MSL3: variants seen among roughly 807,000 people sequenced by gnomAD.
The protein encoded by MSL3 is MSL complex subunit 3.
Under a neutral mutation model 37.2 loss-of-function variants are expected in MSL3, and 5 were observed. The ratio of observed to expected loss-of-function variants is 0.13; its 90% CI spans 0.07 to 0.28. The LOEUF (loss-of-function observed/expected upper bound fraction) is 0.28, where lower values mean the gene tolerates loss of function less well. Ranked by LOEUF, MSL3 falls within the 10% of genes least tolerant of loss-of-function variation. MSL3 has a pLI of 1.00. For synonymous variants in MSL3, 149 were observed against 147.6 expected (o/e 1.01, Z -0.07); for missense variants, 315 against 408.5 (o/e 0.77, Z 1.97).
At position 11,758,376 on chromosome X, in the gene MSL3, G is replaced by A. The variant is rs765535849; in HGVS notation, c.102+11G>A. ...CTGTACGATGCCAAGGTGCCGCCGC[G>A]GAGGGACAGGGAGGAGGCGCGGGCT... On this transcript the variant is annotated intron_variant, in intron 1 of 12. Coordinates refer to ENST00000312196, the MANE Select transcript of MSL3 (RefSeq NM_078629.4). 7 of 1,077,279 alleles carry A rather than the reference G, an allele frequency of 6.5e-6. No individual in the cohort carries two copies. The South Asian group carries it at 1.7e-4, about 27-fold the overall frequency. The allele number at this position is 1,077,279 out of a possible 1,213,427, so 88.8% of individuals were successfully genotyped here. A position where few individuals can be genotyped will look rare whatever the true frequency, so the allele number is the denominator to read the frequency against.
chrX:11,759,301 C>G (rs1388988609), intron 1 of MSL3, among the ~76,000 whole-genome samples: 1 of 111,900 alleles, frequency 8.9e-6, no homozygotes. Context: ...GTCTTTTAAC[C>G]GCGTCTGCTA....
At position 11,775,091 on chromosome X, in the gene MSL3, T is replaced by C. The variant is rs1301129869; in HGVS notation, c.*12T>C. ...GGGCAATTTATTAAAATGTTGTTGG[T>C]TCTGTAAGAGCAACTGCTCTGTCTA... is the stretch of plus-strand genomic sequence containing the variant. On this transcript the variant is annotated 3_prime_UTR_variant, in exon 13 of 13. Transcript: ENST00000312196. 8.7e-7 allele frequency: 1 copy of C among 1,151,604 alleles called. No homozygotes were observed. The highest frequency in any genetic ancestry group is 1.8e-5 in the South Asian group (1 of 54,796). The allele number at this position is 1,151,604 out of a possible 1,213,427, so 94.9% of individuals were successfully genotyped here.
intron 1 of MSL3, 50 bp downstream of exon 1, chrX:11,758,415 C>CCGGGGGCGGGGG: frequency 1.0e-6 from 1 of 984,758 alleles, no homozygotes; most frequent in Non-Finnish European, 1.3e-6. Flanking sequence ...GGACCCGGGA[C>CCGGGGGCGGGGG]CGGGGGCGGG....
In MSL3 at chrX:11,758,813, C is replaced by A. The variant is rs905175499; in HGVS notation, c.102+448C>A. 29 of 1,136,369 alleles carry A rather than the reference C, an allele frequency of 2.6e-5. No individual in the cohort carries two copies. The Middle Eastern group carries it at 9.4e-4, about 37-fold the overall frequency. 93.6% of individuals were successfully genotyped at this position (1,136,369 alleles called of 1,213,427 possible). ...TTACACGGCGCTGGCCGCTGACTTG[C>A]GACGTTGTGTCCCTGGGACCCTAGT... On this transcript the variant is annotated intron_variant, in intron 1 of 12. Coordinates refer to ENST00000312196, the MANE Select transcript of MSL3 (RefSeq NM_078629.4).
intron 9 of MSL3, 50 bp downstream of exon 9, chrX:11,765,779 T>G: frequency 8.4e-7 from 1 of 1,195,326 alleles, no homozygotes; most frequent in South Asian, 1.9e-5. Flanking sequence ...GCGTGTACTT[T>G]GTGTTTAGTC....
upstream of MSL3, chrX:11,758,230 G>A: frequency 2.1e-6 from 1 of 483,678 alleles, no homozygotes; most frequent in Non-Finnish European, 2.8e-6. Flanking sequence ...CGCTCCGCCC[G>A]CCCCGGAGCC....
intron 4 of MSL3, 58 bp downstream of exon 4, chrX:11,760,995 A>G (rs2053127295): frequency 2.3e-6 from 2 of 856,306 alleles, no homozygotes; most frequent in East Asian, 6.8e-5. Flanking sequence ...GACTGAGAGA[A>G]GGATTCACTG....
intron 1 of MSL3, 182 bp downstream of exon 1, chrX:11,758,547 G>A: frequency 1.8e-6 from 2 of 1,095,014 alleles, no homozygotes; most frequent in Non-Finnish European, 2.4e-6. Context: ...GCGGGGTCTG[G>A]GATGCTTCCA....
At chrX:11,766,831 AT>A in intron 9 of MSL3, 1 of 754,505 alleles carries the variant, frequency 1.3e-6, no homozygotes, top group Non-Finnish European at 1.6e-6. Context: ...AGGCTGTGAA[AT>A]CTAAGACACC....
In MSL3 at chrX:11,765,676, G is replaced by A. The variant is rs1277317193; in HGVS notation, c.1118G>A (p.Arg373Gln). 4.1e-6 allele frequency: 5 copies of A among 1,210,655 alleles called. No homozygotes were observed. The highest frequency in any genetic ancestry group is 3.0e-5 in the East Asian group (1 of 33,800). The change falls in exon 9 of 13, where the codon CGG becomes CAG. Residue 373 changes from arginine to glutamine, a missense_variant. Transcript: ENST00000312196. Reference protein sequence around the residue: ...ESSASPQPKRRQQDTSASMPK... With the variant: ...ESSASPQPKRQQQDTSASMPK... ...AGCGCTTCACCTCAGCCCAAGCGCC[G>A]GCAGCAGGACACATCCGCCAGCATG...
At position 11,768,585 on chromosome X, in the gene MSL3, A is replaced by G; in HGVS notation, c.1184A>G (p.His395Arg). ...TTTTCTTTGGAAGAGACACCTGTGC[A>G]TAGCAGATCATCTTCACCTATTCCT... ...FLHLEKKTPV[H>R]SRSSSPIPLT... Residue 395 changes from histidine (H) to arginine (R), a missense_variant, in exon 10 of 13, where the codon CAT becomes CGT. By Grantham distance (29) the His-to-Arg change is conservative. Transcript: ENST00000312196. The G allele has an allele frequency of 4.2e-6, 5 of 1,196,839 alleles. No individual in the cohort carries two copies. In the South Asian group the frequency reaches 7.1e-5, roughly 17 times the overall value.
chrX:11,773,701 A>G (rs1348246827), intron 12 of MSL3, among the ~76,000 whole-genome samples: 1 of 112,616 alleles, frequency 8.9e-6, no homozygotes. Context: ...CAGTTGCAGG[A>G]TAGCATAGGA....
intron 1 of MSL3, chrX:11,758,588 G>C (rs2053095771): frequency 9.0e-7 from 1 of 1,115,840 alleles, no homozygotes; most frequent in Non-Finnish European, 1.2e-6. Context: ...CGGCGCACGC[G>C]CGGTTGGGAG....
chrX:11,758,241 T>G lies in MSL3; in HGVS notation c.-23T>G. 1 of 783,987 alleles carries G rather than the reference T, an allele frequency of 1.3e-6. No individual in the cohort carries two copies. The highest frequency in any genetic ancestry group is 1.6e-6 in the Non-Finnish European group (1 of 617,658). 64.6% of individuals were successfully genotyped at this position (783,987 alleles called of 1,213,427 possible). A position where few individuals can be genotyped will look rare whatever the true frequency, so the allele number is the denominator to read the frequency against. On this transcript the variant is annotated 5_prime_UTR_variant, in exon 1 of 13. Coordinates refer to ENST00000312196, the MANE Select transcript of MSL3 (RefSeq NM_078629.4). ...CGCGCGCTCCGCCCGCCCCGGAGCC[T>G]CGCCCTCCGCCACGATGAGCAAATG...
In MSL3 at chrX:11,765,390, C is replaced by T; in HGVS notation, c.909-77C>T. 2.7e-6 allele frequency: 3 copies of T among 1,105,007 alleles called. No individual in the cohort carries two copies. In the African/African-American group the frequency reaches 5.5e-5, roughly 20 times the overall value. The allele number at this position is 1,105,007 out of a possible 1,213,427, so 91.1% of individuals were successfully genotyped here. ...TACGACCCTCCTGGAGTAGAGAGAG[C>T]ATTTCGTGTCTTCAGAAGCACTCCA... On this transcript the variant is annotated intron_variant, in intron 8 of 12. Coordinates refer to ENST00000312196, the MANE Select transcript of MSL3 (RefSeq NM_078629.4).
chrX:11,773,979 GC>G (rs1286016329), intron 12 of MSL3, among the ~76,000 whole-genome samples: 1 of 112,264 alleles, frequency 8.9e-6, no homozygotes, highest in African/African-American at 3.2e-5. Context: ...TCACTGGGAA[GC>G]AAGCATAAGG....
At chrX:11,769,739 A>G (rs2053216057) in intron 10 of MSL3, among the ~76,000 whole-genome samples, 1 of 111,816 alleles carries the variant, frequency 8.9e-6, no homozygotes, top group Admixed American at 9.4e-5. Context: ...GAGTAGCTGG[A>G]ACTACAGGCT....
chrX:11,768,375 T>G, intron 9 of MSL3, 198 bp from the exon 10 acceptor site: 1 of 374,059 alleles, frequency 2.7e-6, no homozygotes, highest in Non-Finnish European at 4.6e-6. Context: ...TCATCCACAT[T>G]GTAGCATATG....
rs1199613321 is a variant in MSL3, at chrX:11,759,786, G to T, written c.103-7G>T. The T allele has an allele frequency of 2.5e-6, 3 of 1,210,317 alleles. No individual in the cohort carries two copies. In the South Asian group the frequency reaches 5.3e-5, roughly 21 times the overall value. ...TGCCATTTGTGGGAAATATTTCTTC[G>T]TTTCAGATTGTTGATGTTATTGTTG... On this transcript the variant is annotated splice_region_variant and splice_polypyrimidine_tract_variant and intron_variant, in intron 1 of 12. Coordinates refer to ENST00000312196, the MANE Select transcript of MSL3 (RefSeq NM_078629.4).
Sources: allele counts gnomAD v4.1 joint callset (sites outside exome capture counted in the v4.1 genomes callset), GRCh38; gene constraint gnomAD v4.1.1; transcripts MANE v1.5; gene names NCBI Gene and HGNC (gene_info 2026-07-23, HGNC 2026-07-21).